SCG5: variants seen among roughly 807,000 people sequenced by gnomAD.
The protein encoded by SCG5 is neuroendocrine protein 7B2.
In SCG5, 18 loss-of-function variants were observed where a neutral mutation model predicts 25.7. That is an observed-to-expected ratio of 0.70 (90% CI 0.48 to 1.04). The LOEUF (loss-of-function observed/expected upper bound fraction) is 1.04, where lower values mean the gene tolerates loss of function less well. SCG5 is among the 50% of genes least tolerant of loss of function. SCG5 has a pLI of 0.00. For synonymous variants in SCG5, 101 were observed against 91.7 expected, an observed-to-expected ratio of 1.10 and a Z score of -0.58; for missense variants, 206 against 259.8, an observed-to-expected ratio of 0.79 and a Z score of 1.42.
At chr15:32,664,344 G>A (rs1036886100) in intron 2 of SCG5, among the ~76,000 whole-genome samples, 1 of 152,142 alleles carries the variant, frequency 6.6e-6, no homozygotes, top group African/African-American at 2.4e-5. Flanking sequence ...TTTGGGATCT[G>A]AGGAATCATA....
chr15:32,685,507 A>G (rs2054693989), intron 4 of SCG5, among the ~76,000 whole-genome samples: 1 of 152,252 alleles, frequency 6.6e-6, no homozygotes, highest in Non-Finnish European at 1.5e-5. Context: ...GAGATTTCAC[A>G]TGGTATTCTG....
At chr15:32,678,056 A>G (rs1027656219) in intron 2 of SCG5, among the ~76,000 whole-genome samples, 1 of 152,228 alleles carries the variant, frequency 6.6e-6, no homozygotes, top group Non-Finnish European at 1.5e-5. Context: ...TGTTTGACAT[A>G]CACTGAAATA....
intron 2 of SCG5, chr15:32,673,053 ACAT>A (rs1174624084): frequency 6.6e-6 from 1 of 152,146 alleles, no homozygotes; most frequent in Non-Finnish European, 1.5e-5. Context: ...TCGTGGTGGG[ACAT>A]CATCAGGCTC....
chr15:32,688,815 C>T lies in SCG5; in HGVS notation c.490-2895C>T, dbSNP rs369077337. 7.2e-5 allele frequency among the ~76,000 whole-genome samples: 11 copies of T among 152,066 alleles called. No homozygotes were observed. The South Asian group carries it at 1.0e-3, about 14-fold the overall frequency. ...CTACTAAAAATACAAAAAAATTAGC[C>T]GGGCGCGGTGGCGGGTGCCTGTAGT... On this transcript the variant is annotated intron_variant, in intron 4 of 5. Transcript: ENST00000300175.
At chr15:32,686,635 T>C (rs753723976) in intron 4 of SCG5, among the ~76,000 whole-genome samples, 2 of 146,586 alleles carry the variant, frequency 1.4e-5, no homozygotes, top group Non-Finnish European at 3.0e-5. Flanking sequence ...TGCGGAGGAG[T>C]ACTGGGAAGA....
intron 2 of SCG5, chr15:32,665,618 G>C: frequency 6.6e-6 from 1 of 152,192 alleles, no homozygotes; most frequent in Non-Finnish European, 1.5e-5. Flanking sequence ...CCATTGATAG[G>C]AGAAATGACT....
chr15:32,650,322 C>T (rs895251823), intron 2 of SCG5, among the ~76,000 whole-genome samples: 41 of 152,118 alleles, frequency 2.7e-4, no homozygotes, highest in Non-Finnish European at 5.3e-4. Context: ...AGGATGGTCT[C>T]GATCTCCTGA....
chr15:32,665,473 C>G (rs1042984204), intron 2 of SCG5, among the ~76,000 whole-genome samples: 2 of 151,970 alleles, frequency 1.3e-5, no homozygotes, highest in African/African-American at 4.8e-5. Context: ...TCATTACATT[C>G]ATTTTATGTC....
intron 5 of SCG5, 63 bp downstream of exon 5, chr15:32,691,826 C>G (rs766076351): frequency 1.3e-6 from 2 of 1,588,148 alleles, no homozygotes; most frequent in Admixed American, 3.6e-5. Flanking sequence ...GGGCAGTGAA[C>G]AGGCTGAAAC....
chr15:32,685,588 A>T (rs1409627434), intron 4 of SCG5, among the ~76,000 whole-genome samples: 1 of 152,212 alleles, frequency 6.6e-6, no homozygotes, highest in East Asian at 1.9e-4. Context: ...TACTTATCAG[A>T]TTCCCAGAGG....
At chr15:32,683,077 T>C (rs2140578776) in intron 3 of SCG5, among the ~76,000 whole-genome samples, 1 of 152,350 alleles carries the variant, frequency 6.6e-6, no homozygotes, top group African/African-American at 2.4e-5. Context: ...TGTTAATTGC[T>C]ATATATTGTG....
intron 2 of SCG5, among the ~76,000 whole-genome samples, chr15:32,675,068 A>G (rs775778089): frequency 2.6e-5 from 4 of 152,228 alleles, no homozygotes; most frequent in African/African-American, 4.8e-5. Flanking sequence ...CAATTTTATT[A>G]TATAAAGCAA....
chr15:32,641,942 G>A (rs1255518091), intron 1 of SCG5, among the ~76,000 whole-genome samples, 164 bp downstream of exon 1: 1 of 152,178 alleles, frequency 6.6e-6, no homozygotes, highest in Admixed American at 6.5e-5. Flanking sequence ...GGGGAAGGGA[G>A]TACTGAGGGA....
At chr15:32,673,086 A>G (rs1265635112) in intron 2 of SCG5, 4 of 152,164 alleles carry the variant, frequency 2.6e-5, no homozygotes, top group Non-Finnish European at 4.4e-5. Flanking sequence ...CATCGCTTAT[A>G]CTATGAGAAC....
At chr15:32,693,171 A>T (rs2054891637) in intron 5 of SCG5, among the ~76,000 whole-genome samples, 1 of 152,178 alleles carries the variant, frequency 6.6e-6, no homozygotes, top group Non-Finnish European at 1.5e-5. Flanking sequence ...ACTGACCCAA[A>T]ATCAATAACT....
chr15:32,682,944 G>A (rs997890642), intron 3 of SCG5, among the ~76,000 whole-genome samples: 1 of 152,186 alleles, frequency 6.6e-6, no homozygotes, highest in East Asian at 1.9e-4. Context: ...GGTTCCCAGA[G>A]CAGGCTTTAT....
At chr15:32,670,095 G>A (rs1240307808) in intron 2 of SCG5, among the ~76,000 whole-genome samples, 1 of 152,198 alleles carries the variant, frequency 6.6e-6, no homozygotes, top group African/African-American at 2.4e-5. Flanking sequence ...TGTTGGCTTT[G>A]GTCCCCAAGG....
At chr15:32,675,071 T>C (rs2054507544) in intron 2 of SCG5, among the ~76,000 whole-genome samples, 1 of 152,210 alleles carries the variant, frequency 6.6e-6, no homozygotes, top group South Asian at 2.1e-4. Context: ...TTTTATTATA[T>C]AAAGCAAAGT....
chr15:32,696,500 T>C lies in SCG5; in HGVS notation c.544-14T>C. The C allele has an allele frequency of 6.3e-7, 1 of 1,579,272 alleles. No individual in the cohort carries two copies. Among genetic ancestry groups the C allele is most frequent in the Non-Finnish European group, 8.7e-7 (1 of 1,150,570 alleles). The stretch of plus-strand genomic sequence containing the variant: ...AACACCAAACCACATGGTTTTTGTT[T>C]GTTTGTTTTTCAGAGTGTCAATCCA... On this transcript the variant is annotated splice_polypyrimidine_tract_variant and intron_variant, in intron 5 of 5. Coordinates refer to ENST00000300175, the MANE Select transcript of SCG5 (RefSeq NM_001144757.3).
Sources: gnomAD v4.1 joint callset for allele counts (sites outside exome capture counted in the v4.1 genomes callset) on GRCh38, gnomAD v4.1.1 for gene constraint, MANE v1.5 for transcripts, NCBI Gene and HGNC (gene_info 2026-07-23, HGNC 2026-07-21) for gene names.